The following ARHGAP44 variants were observed in gnomAD, a reference collection of about 807,000 sequenced individuals.
ARHGAP44 encodes rho GTPase-activating protein 44.
A neutral mutation model predicts 106.8 loss-of-function variants in ARHGAP44; 43 were observed. The ratio of observed to expected loss-of-function variants is 0.40; its 90% CI spans 0.32 to 0.52. The LOEUF is 0.52. Among genes scored for constraint, ARHGAP44 ranks in the 20% least tolerant of loss-of-function variants. The pLI is 0.48. For synonymous variants in ARHGAP44, 439 were observed against 410.3 expected (o/e 1.07, Z -0.85); for missense variants, 866 against 1,050.5 (o/e 0.82, Z 2.43).
intron 1 of ARHGAP44, among the ~76,000 whole-genome samples, chr17:12,827,963 T>C (rs2034969500): frequency 7.4e-6 from 1 of 135,968 alleles, no homozygotes; most frequent in African/African-American, 2.8e-5. Flanking sequence ...CACTTGAACC[T>C]GGGAGGTGGA....
chr17:12,895,386 C>T (rs1448874838), intron 2 of ARHGAP44, among the ~76,000 whole-genome samples: 1 of 152,160 alleles, frequency 6.6e-6, no homozygotes. Flanking sequence ...CTCCAGTTCT[C>T]CAGCATTGAA....
chr17:12,811,283 A>T (rs557964596), intron 1 of ARHGAP44, among the ~76,000 whole-genome samples: 1 of 151,042 alleles, frequency 6.6e-6, no homozygotes, highest in African/African-American at 2.4e-5. Flanking sequence ...ACTGCACTCC[A>T]GCCTGGGTGA....
intron 16 of ARHGAP44, among the ~76,000 whole-genome samples, chr17:12,964,516 C>T (rs2039343674): frequency 6.6e-6 from 1 of 152,210 alleles, no homozygotes; most frequent in Non-Finnish European, 1.5e-5. Flanking sequence ...CGCAGTGGCT[C>T]ACACCTGTAA....
chr17:12,794,549 T>A (rs796291769), intron 1 of ARHGAP44, among the ~76,000 whole-genome samples: 11 of 152,288 alleles, frequency 7.2e-5, no homozygotes, highest in African/African-American at 2.4e-4. Context: ...ATGAGTGATG[T>A]TCAAAGTGTC....
chr17:12,943,657 A>G lies in ARHGAP44; in HGVS notation c.721A>G (p.Lys241Glu). ...ATTGCAGGCTGTATTGCCTCAGATC[A>G]AAGCACAACAGGGTAAGTGCAGGCC... ...TLLQAVLPQI[K>E]AQQEAWVEKP... The change falls in exon 9 of 21, where the codon AAA (lysine) becomes GAA (glutamate). Residue 241 changes from lysine (K) to glutamate (E), a missense_variant. Lys to Glu is a moderately conservative substitution (Grantham distance 56). This residue lies in a region of ARHGAP44 where 448 missense variants were observed against 646.9 expected (regional missense o/e 0.69). Transcript: ENST00000379672. The G allele has an allele frequency of 6.2e-7, 1 of 1,613,828 alleles. No individual in the cohort carries two copies. Among genetic ancestry groups the G allele is most frequent in the Non-Finnish European group, 8.5e-7 (1 of 1,179,876 alleles).
chr17:12,958,078 C>G lies in ARHGAP44; in HGVS notation c.1343-639C>G, dbSNP rs542029887. Among the ~76,000 whole-genome samples, 89 of 152,210 alleles carry G rather than the reference C, an allele frequency of 5.8e-4. No homozygotes were observed. Among genetic ancestry groups the G allele is most frequent in the African/African-American group, 2.0e-3 (82 of 41,528 alleles). On this transcript the variant is annotated intron_variant, in intron 15 of 20. Transcript: ENST00000379672. The surrounding 1 kb of genome is among the most constrained non-coding windows in gnomAD (Gnocchi z 4.1). ...CAAGACAGTAATCCTATAGGTTCTG[C>G]GGCTGAGCTAATTCATTACCACTGC... is the stretch of plus-strand genomic sequence containing the variant.
intron 1 of ARHGAP44, among the ~76,000 whole-genome samples, chr17:12,795,890 C>T (rs1340212219): frequency 6.6e-6 from 1 of 152,032 alleles, no homozygotes; most frequent in East Asian, 1.9e-4. Context: ...TCTTTCTGTC[C>T]AGGAAGCAGA....
At chr17:12,856,968 A>G (rs1244256757) in intron 1 of ARHGAP44, among the ~76,000 whole-genome samples, 1 of 152,174 alleles carries the variant, frequency 6.6e-6, no homozygotes, top group Non-Finnish European at 1.5e-5. Flanking sequence ...ATAATATGTC[A>G]TTAGAAGTAT....
intron 19 of ARHGAP44, among the ~76,000 whole-genome samples, chr17:12,982,195 G>A (rs1201034755): frequency 6.6e-6 from 1 of 152,190 alleles, no homozygotes; most frequent in Non-Finnish European, 1.5e-5. Context: ...GTGTAGCCTA[G>A]AGTGACTCAG....
intron 19 of ARHGAP44, among the ~76,000 whole-genome samples, chr17:12,984,087 A>C (rs1045766236): frequency 6.6e-6 from 1 of 152,330 alleles, no homozygotes; most frequent in East Asian, 1.9e-4. Flanking sequence ...CCCCTGTGTC[A>C]GGGCTCCTCT....
At chr17:12,973,504 C>T (rs1178828989) in intron 17 of ARHGAP44, 185 bp downstream of exon 17, 3 of 643,578 alleles carry the variant, frequency 4.7e-6, no homozygotes, top group East Asian at 2.7e-5. Flanking sequence ...CACAAGCAGC[C>T]CCTTCCCTGC....
chr17:12,832,013 A>C (rs1417852563), intron 1 of ARHGAP44, among the ~76,000 whole-genome samples: 1 of 152,184 alleles, frequency 6.6e-6, no homozygotes, highest in African/African-American at 2.4e-5. Flanking sequence ...CCTAGGCCAG[A>C]AGAGTGCTCT....
At chr17:12,922,428 T>C (rs2038109707) in intron 6 of ARHGAP44, among the ~76,000 whole-genome samples, 1 of 152,104 alleles carries the variant, frequency 6.6e-6, no homozygotes, top group Admixed American at 6.6e-5. Flanking sequence ...AGTACCCTAT[T>C]TTGGGAGTCA....
At chr17:12,828,394 TATTTTC>T (rs2034985383) in intron 1 of ARHGAP44, among the ~76,000 whole-genome samples, 1 of 152,078 alleles carries the variant, frequency 6.6e-6, no homozygotes, top group African/African-American at 2.4e-5. Context: ...TGCAATGAGG[TATTTTC>T]ATTTTTTTCC....
At chr17:12,854,896 T>C (rs1467103722) in intron 1 of ARHGAP44, among the ~76,000 whole-genome samples, 1 of 142,128 alleles carries the variant, frequency 7.0e-6, no homozygotes, top group Non-Finnish European at 1.5e-5. Flanking sequence ...AGGCGGAGGT[T>C]GCGGTGAGCC....
At chr17:12,842,133 C>T (rs1290215192) in intron 1 of ARHGAP44, among the ~76,000 whole-genome samples, 1 of 148,654 alleles carries the variant, frequency 6.7e-6, no homozygotes, top group South Asian at 2.1e-4. Flanking sequence ...CTGCGACACA[C>T]CTGGCCACTG....
chr17:12,949,740 C>T lies in ARHGAP44; in HGVS notation c.1055+10C>T, dbSNP rs767237314. ...GGATCCAGGCTTCCAAGTGAGTACC[C>T]CTTGTTTTGGAATGTCCTGTGAGTT... is the stretch of plus-strand genomic sequence containing the variant. On this transcript the variant is annotated intron_variant, in intron 12 of 20. Coordinates refer to ENST00000379672, the MANE Select transcript of ARHGAP44 (RefSeq NM_014859.6). This position sits in a 1 kb window ranked among gnomAD's most constrained non-coding sequence, Gnocchi z 4.1. The T allele has an allele frequency of 3.1e-6, 5 of 1,610,120 alleles. No homozygotes were observed. The highest frequency in any genetic ancestry group is 4.2e-6 in the Non-Finnish European group (5 of 1,176,752).
At chr17:12,966,096 T>C (rs11078101) in intron 16 of ARHGAP44, among the ~76,000 whole-genome samples, 23,567 of 148,562 alleles carry the variant, frequency 0.16, 2,210 homozygotes, top group East Asian at 0.49. Context: ...GTGGAGGCTG[T>C]AGAGAGCTGT....
chr17:12,989,370 A>T (rs1384838934), intron 20 of ARHGAP44, among the ~76,000 whole-genome samples: 3 of 152,176 alleles, frequency 2.0e-5, no homozygotes, highest in Non-Finnish European at 4.4e-5. Flanking sequence ...AGAGACGTCC[A>T]GACACTGAGC....
Sources: gnomAD v4.1 joint callset for allele counts (sites outside exome capture counted in the v4.1 genomes callset) on GRCh38, gnomAD v4.1.1 for gene constraint, gnomAD v4.1.1 regional missense constraint, Gnocchi (gnomAD v3.1) non-coding constraint, MANE v1.5 for transcripts, NCBI Gene and HGNC (gene_info 2026-07-23, HGNC 2026-07-21) for gene names.